The following ATP6V1B1 variants were observed in gnomAD, a reference collection of about 807,000 sequenced individuals.
ATP6V1B1 encodes the protein ATPase H+ transporting V1 subunit B1, also known as V-type proton ATPase subunit B, kidney isoform.
Under a neutral mutation model 62.1 loss-of-function variants are expected in ATP6V1B1, and 41 were observed. That is an observed-to-expected ratio of 0.66 (90% confidence interval 0.51 to 0.86). The LOEUF (loss-of-function observed/expected upper bound fraction) is 0.86. Among genes scored for constraint, ATP6V1B1 ranks in the 40% least tolerant of loss-of-function variants. The probability of loss-of-function intolerance (pLI) is 0.00; values close to 1 mark genes in which losing one functional copy is unlikely to be tolerated. For missense variants in ATP6V1B1, 651 were observed against 697.5 expected (o/e 0.93, Z 0.75); for synonymous variants, 253 against 273.4 (o/e 0.93, Z 0.74).
intron 8 of ATP6V1B1, 22 bp from the exon 9 acceptor site, chr2:70,962,755 A>G (rs1553420305): frequency 6.2e-7 from 1 of 1,612,812 alleles, no homozygotes; most frequent in Admixed American, 1.7e-5. Context: ...CAGGCTCTCT[A>G]AACACCTGGC....
intron 1 of ATP6V1B1, chr2:70,941,798 C>T: frequency 2.0e-6 from 2 of 985,710 alleles, no homozygotes; most frequent in Non-Finnish European, 2.4e-6. Context: ...TCCTCCAGCA[C>T]CCAAAGGTCT....
Position 70,959,675 on chromosome 2 carries a change from G to C in ATP6V1B1, c.446-264G>C, listed in dbSNP as rs1442304493. On this transcript the variant is annotated intron_variant, in intron 5 of 13. Coordinates refer to ENST00000234396, the MANE Select transcript of ATP6V1B1 (RefSeq NM_001692.4). The surrounding 1 kb of genome is among the most constrained non-coding windows in gnomAD (Gnocchi z 4.2). ...CTGCCACTTCCAAAGCACAAGGGCAGCTCTGTCCAAGGTAGCACTGGGCCT... is the reference window on the plus strand; with the variant it reads ...CTGCCACTTCCAAAGCACAAGGGCACCTCTGTCCAAGGTAGCACTGGGCCT... Among the ~76,000 whole-genome samples the C allele has an allele frequency of 6.6e-6, 1 of 152,248 alleles. No homozygotes were observed. The highest frequency in any genetic ancestry group is 1.5e-5 in the Non-Finnish European group (1 of 68,040).
intron 6 of ATP6V1B1, among the ~76,000 whole-genome samples, chr2:70,960,537 G>A (rs1235381452): frequency 1.3e-5 from 2 of 152,028 alleles, no homozygotes; most frequent in African/African-American, 4.8e-5. Flanking sequence ...CCACCCTACT[G>A]TGACCCTTCC....
In ATP6V1B1 at chr2:70,936,068, T is replaced by C; in HGVS notation, c.114T>C (p.Arg38=). ...CCCGAAACTACATCACCCACCCCCGTGTCAGTGAGTAGCCCCTCCACCGTG... is the reference window on the plus strand; with the variant it reads ...CCCGAAACTACATCACCCACCCCCGCGTCAGTGAGTAGCCCCTCCACCGTG... ...AVTRNYITHP[R]VTYRTVCSVN... The change falls in exon 1 of 14, where the codon CGT becomes CGC. Residue 38 remains arginine, a synonymous_variant. Coordinates refer to ENST00000234396, the MANE Select transcript of ATP6V1B1 (RefSeq NM_001692.4). 6.2e-7 allele frequency: 1 copy of C among 1,613,510 alleles called. No homozygotes were observed. Among genetic ancestry groups the C allele is most frequent in the Non-Finnish European group, 8.5e-7 (1 of 1,179,690 alleles).
intron 2 of ATP6V1B1, among the ~76,000 whole-genome samples, chr2:70,950,660 A>G (rs1020866435): frequency 1.3e-5 from 2 of 152,130 alleles, no homozygotes; most frequent in Non-Finnish European, 2.9e-5. Flanking sequence ...CAGCCAAATT[A>G]TCTTATTCAT....
chr2:70,943,246 C>T (rs1572907783), intron 1 of ATP6V1B1: 1 of 384,714 alleles, frequency 2.6e-6, no homozygotes, highest in African/African-American at 2.1e-5. Context: ...GAAATGCAGT[C>T]CTGGTGAGGG....
chr2:70,952,746 G>A (rs890872752), intron 2 of ATP6V1B1, among the ~76,000 whole-genome samples: 12 of 152,082 alleles, frequency 7.9e-5, no homozygotes, highest in African/African-American at 2.4e-4. Flanking sequence ...TTGATCTATA[G>A]TTTTCCTTTT....
intron 1 of ATP6V1B1, chr2:70,938,497 G>A (rs965285724): frequency 4.3e-5 from 42 of 969,684 alleles, no homozygotes; most frequent in Non-Finnish European, 1.1e-5. Context: ...GGCCACGGTG[G>A]AGGTGAGTCC....
chr2:70,954,688 G>T (rs1437916830), intron 2 of ATP6V1B1, among the ~76,000 whole-genome samples: 2 of 152,062 alleles, frequency 1.3e-5, no homozygotes, highest in Admixed American at 1.3e-4. Flanking sequence ...TCGCTGTGTT[G>T]CCCAGGCTGA....
chr2:70,962,231 G>A (rs782581267), intron 8 of ATP6V1B1, among the ~76,000 whole-genome samples: 5 of 152,262 alleles, frequency 3.3e-5, no homozygotes, highest in East Asian at 3.9e-4. Context: ...AGCACTTCAC[G>A]TGGGAAGGGT....
chr2:70,944,407 C>G (rs1276780528), intron 2 of ATP6V1B1, among the ~76,000 whole-genome samples: 1 of 152,000 alleles, frequency 6.6e-6, no homozygotes, highest in Non-Finnish European at 1.5e-5. Context: ...CAGCCCCACT[C>G]CCTCAGCCTC....
chr2:70,961,799 G>A (rs968151286), intron 8 of ATP6V1B1, 106 bp downstream of exon 8: 28 of 1,112,094 alleles, frequency 2.5e-5, no homozygotes, highest in African/African-American at 4.6e-5. Flanking sequence ...ACAGCCATAC[G>A]CCAGAGCTGG....
chr2:70,940,345 C>CCCCAACCCAAA, intron 1 of ATP6V1B1: 1 of 902,806 alleles, frequency 1.1e-6, no homozygotes, highest in Non-Finnish European at 1.3e-6. Context: ...CCCACACCCC[C>CCCCAACCCAAA]ACCTCCCTAT....
At position 70,959,838 on chromosome 2, in the gene ATP6V1B1, G is replaced by A; in HGVS notation, c.446-101G>A. ...GAGCACGTTTCTATCATCACAGAAA[G>A]TTCCGTCAAACAGGGCGGCTCTGGA... On this transcript the variant is annotated intron_variant, in intron 5 of 13. Transcript: ENST00000234396. This position sits in a 1 kb window ranked among gnomAD's most constrained non-coding sequence, Gnocchi z 4.2. The A allele has an allele frequency of 6.3e-7, 1 of 1,587,156 alleles. No individual in the cohort carries two copies. The highest frequency in any genetic ancestry group is 8.6e-7 in the Non-Finnish European group (1 of 1,160,344).
intron 11 of ATP6V1B1, 114 bp from the exon 12 acceptor site, chr2:70,964,324 G>C: frequency 9.1e-7 from 1 of 1,098,180 alleles, no homozygotes; most frequent in Non-Finnish European, 1.4e-6. Flanking sequence ...GGGTGTGGCT[G>C]TTGACCCCTC....
chr2:70,949,297 A>C (rs1432431859), intron 2 of ATP6V1B1, among the ~76,000 whole-genome samples: 8 of 152,220 alleles, frequency 5.3e-5, no homozygotes, highest in South Asian at 2.1e-4. Flanking sequence ...AGCAGGCGAT[A>C]GTATGGATGT....
In ATP6V1B1 at chr2:70,958,373, C is replaced by T. The variant is rs1256262567; in HGVS notation, c.314C>T (p.Thr105Ile). The T allele has an allele frequency of 1.9e-6, 3 of 1,613,502 alleles. No homozygotes were observed. The highest frequency in any genetic ancestry group is 2.7e-5 in the African/African-American group (2 of 74,882). The change falls in exon 4 of 14, where the codon ACT (threonine) becomes ATT (isoleucine). Residue 105 changes from threonine to isoleucine, a missense_variant. Thr to Ile is a moderately conservative substitution (Grantham distance 89). Transcript: ENST00000234396. ...TCAGGGATCGATGCCAGGAAGACCA[C>T]TTGCGAATTTACAGGGGACATCCTA... ...GTSGIDARKT[T>I]CEFTGDILRT...
In ATP6V1B1 at chr2:70,959,935, C is replaced by T. The variant is rs1553419738; in HGVS notation, c.446-4C>T. The stretch of plus-strand genomic sequence containing the variant: ...AGCATGGCTCTGTGATCGCCCTCTC[C>T]CAGGCCAGCCCATCAACCCGCACTC... On this transcript the variant is annotated splice_region_variant and splice_polypyrimidine_tract_variant and intron_variant, in intron 5 of 13. Coordinates refer to ENST00000234396, the MANE Select transcript of ATP6V1B1 (RefSeq NM_001692.4). The surrounding 1 kb of genome is among the most constrained non-coding windows in gnomAD (Gnocchi z 4.2). 6.2e-7 allele frequency: 1 copy of T among 1,614,168 alleles called. No homozygotes were observed. Among genetic ancestry groups the T allele is most frequent in the East Asian group, 2.2e-5 (1 of 44,876 alleles).
intron 6 of ATP6V1B1, 38 bp downstream of exon 6, chr2:70,960,116 G>A (rs1553419790): frequency 6.2e-6 from 10 of 1,612,748 alleles, no homozygotes; most frequent in African/African-American, 2.7e-5. Context: ...GCTGGGGGAG[G>A]GACAGAGCAG....
Sources: gnomAD v4.1 joint callset for allele counts (sites outside exome capture counted in the v4.1 genomes callset) on GRCh38, gnomAD v4.1.1 for gene constraint, Gnocchi (gnomAD v3.1) non-coding constraint, MANE v1.5 for transcripts, NCBI Gene and HGNC (gene_info 2026-07-23, HGNC 2026-07-21) for gene names.